ACTN4: variants seen among roughly 807,000 people sequenced by gnomAD.
ACTN4 encodes the protein alpha-actinin-4.
In ACTN4, 18 loss-of-function variants were observed where a neutral mutation model predicts 114.2. The observed-to-expected ratio is 0.16, with a 90% CI of 0.11 to 0.23. The LOEUF (loss-of-function observed/expected upper bound fraction) is 0.23, where lower values mean the gene tolerates loss of function less well. Among genes scored for constraint, ACTN4 ranks in the 10% least tolerant of loss-of-function variants. The pLI is 1.00. For synonymous variants in ACTN4, 515 were observed against 506.3 expected (o/e 1.02, Z -0.23); for missense variants, 722 against 1,262.9 (o/e 0.57, Z 6.49).
intron 1 of ACTN4, among the ~76,000 whole-genome samples, chr19:38,656,388 C>T (rs1299760413): frequency 6.6e-6 from 1 of 152,174 alleles, no homozygotes; most frequent in Non-Finnish European, 1.5e-5. Flanking sequence ...CCAACTTTTT[C>T]TCTTAAGGCT....
chr19:38,701,081 T>C lies in ACTN4; in HGVS notation c.357T>C (p.Ile119=). ...ATGTGAACAAAGCGCTGGACTTTAT[T>C]GCCAGCAAAGGCGTCAAGCTGGTCT... ...INNVNKALDF[I]ASKGVKLVSI... Residue 119 remains isoleucine, a synonymous_variant, in exon 3 of 21, where the codon ATT becomes ATC. Coordinates refer to ENST00000252699, the MANE Select transcript of ACTN4 (RefSeq NM_004924.6). 1 of 1,614,082 alleles carries C rather than the reference T, an allele frequency of 6.2e-7. No individual in the cohort carries two copies. Among genetic ancestry groups the C allele is most frequent in the Non-Finnish European group, 8.5e-7 (1 of 1,180,014 alleles).
intron 1 of ACTN4, among the ~76,000 whole-genome samples, chr19:38,678,661 G>A (rs1270949517): frequency 6.6e-6 from 1 of 152,218 alleles, no homozygotes; most frequent in Admixed American, 6.5e-5. Context: ...GGGCGACACA[G>A]CCACCCTTTT....
rs141225136 is a variant in ACTN4, at chr19:38,669,626, C to T, written c.162+21719C>T. Among the ~76,000 whole-genome samples, 915 of 152,194 alleles carry T rather than the reference C, an allele frequency of 6.0e-3. 5 individuals carry two copies. Among genetic ancestry groups the T allele is most frequent in the African/African-American group, 0.021 (878 of 41,508 alleles). ...GGAAGATGGTGGCCCTTGGGTTGCC[C>T]GAGCTGCTGCTTGTTTTAGTAGCTG... On this transcript the variant is annotated intron_variant, in intron 1 of 20. Coordinates refer to ENST00000252699, the MANE Select transcript of ACTN4 (RefSeq NM_004924.6).
At position 38,724,419 on chromosome 19, in the gene ACTN4, C is replaced by T. The variant is rs746504062; in HGVS notation, c.1876-12C>T. 3 of 1,612,882 alleles carry T rather than the reference C, an allele frequency of 1.9e-6. No homozygotes were observed. The South Asian group carries it at 3.3e-5, about 18-fold the overall frequency. ...CTCCCTGACCGCTCCCACACCGCGTCTCCTCTGCCAGGTGCAGCAGCTGGT... is the reference window on the plus strand; with the variant it reads ...CTCCCTGACCGCTCCCACACCGCGTTTCCTCTGCCAGGTGCAGCAGCTGGT... On this transcript the variant is annotated splice_polypyrimidine_tract_variant and intron_variant, in intron 15 of 20. Coordinates refer to ENST00000252699, the MANE Select transcript of ACTN4 (RefSeq NM_004924.6). The surrounding 1 kb of genome is among the most constrained non-coding windows in gnomAD (Gnocchi z 7.0).
At chr19:38,652,811 C>A (rs558060880) in intron 1 of ACTN4, among the ~76,000 whole-genome samples, 4 of 152,236 alleles carry the variant, frequency 2.6e-5, no homozygotes, top group African/African-American at 9.6e-5. Flanking sequence ...TATGGCCGGG[C>A]GCAGTGGCTC....
rs1968599970 is a variant in ACTN4, at chr19:38,710,249, A to C, written c.734-8A>C. 1.2e-6 allele frequency: 2 copies of C among 1,613,896 alleles called. No individual in the cohort carries two copies. The highest frequency in any genetic ancestry group is 1.7e-6 in the Non-Finnish European group (2 of 1,180,000). Reference sequence around the variant, plus strand: ...TCGGGCAGTTTAACCCTTGTTGTTCACTTGCAGACATCGTGAACACGGCCC... The same window carrying C: ...TCGGGCAGTTTAACCCTTGTTGTTCCCTTGCAGACATCGTGAACACGGCCC... On this transcript the variant is annotated splice_polypyrimidine_tract_variant and splice_region_variant and intron_variant, in intron 7 of 20. Transcript: ENST00000252699.
intron 1 of ACTN4, among the ~76,000 whole-genome samples, chr19:38,657,199 G>A (rs1482927082): frequency 6.6e-6 from 1 of 151,804 alleles, no homozygotes; most frequent in Non-Finnish European, 1.5e-5. Flanking sequence ...CTGGAGTGCA[G>A]TAGCACGATC....
At chr19:38,661,006 G>A (rs1599764522) in intron 1 of ACTN4, among the ~76,000 whole-genome samples, 2 of 152,154 alleles carry the variant, frequency 1.3e-5, no homozygotes, top group Admixed American at 1.3e-4. Context: ...GAGCACCAGA[G>A]GAACGCGCTT....
At chr19:38,700,956 C>T in intron 2 of ACTN4, 46 bp from the exon 3 acceptor site, 1 of 1,597,642 alleles carries the variant, frequency 6.3e-7, no homozygotes, top group Non-Finnish European at 8.6e-7. Context: ...CTCTCCCTTT[C>T]TCTCTCTCTG....
chr19:38,710,512 A>G (rs1045199695), intron 8 of ACTN4, among the ~76,000 whole-genome samples, 170 bp downstream of exon 8: 1 of 151,982 alleles, frequency 6.6e-6, no homozygotes, highest in Non-Finnish European at 1.5e-5. Flanking sequence ...TAGCTCACAC[A>G]CCTATTGGGT....
At chr19:38,653,213 C>T (rs1264822237) in intron 1 of ACTN4, among the ~76,000 whole-genome samples, 5 of 152,112 alleles carry the variant, frequency 3.3e-5, no homozygotes, top group East Asian at 3.9e-4. Context: ...CAGACAGCGC[C>T]CTTTTTCAGA....
intron 1 of ACTN4, among the ~76,000 whole-genome samples, chr19:38,680,970 A>G (rs1462482945): frequency 6.6e-6 from 1 of 151,934 alleles, no homozygotes; most frequent in Non-Finnish European, 1.5e-5. Flanking sequence ...TACTAAAAAT[A>G]CAAAACTTAG....
rs1169766653 is a variant in ACTN4 at position 38,727,853 on chromosome 19, C to T, written c.2338-93C>T. The stretch of plus-strand genomic sequence containing the variant: ...CTCTGTGTTTCCCTCCCCTACGTGT[C>T]CCTTCCCCCTGCCCTCTGCATGTGA... On this transcript the variant is annotated intron_variant, in intron 18 of 20. Coordinates refer to ENST00000252699, the MANE Select transcript of ACTN4 (RefSeq NM_004924.6). The surrounding 1 kb of genome is among the most constrained non-coding windows in gnomAD (Gnocchi z 5.4). 1.7e-6 allele frequency: 2 copies of T among 1,199,764 alleles called. No homozygotes were observed. The highest frequency in any genetic ancestry group is 3.0e-5 in the African/African-American group (2 of 66,598). The allele number at this position is 1,199,764 out of a possible 1,614,324, so 74.3% of individuals were successfully genotyped here. A position where few individuals can be genotyped will look rare whatever the true frequency, so the allele number is the denominator to read the frequency against.
intron 12 of ACTN4, among the ~76,000 whole-genome samples, chr19:38,722,763 G>T (rs1172519865): frequency 6.6e-6 from 1 of 152,236 alleles, no homozygotes; most frequent in African/African-American, 2.4e-5. Context: ...CCTGGAAGCT[G>T]GTAGGAAACA....
intron 1 of ACTN4, among the ~76,000 whole-genome samples, chr19:38,664,265 GGAA>G (rs1966890596): frequency 6.6e-6 from 1 of 152,194 alleles, no homozygotes; most frequent in African/African-American, 2.4e-5. Flanking sequence ...TCCCATCCCA[GGAA>G]ATACTCCAGT....
rs1034528163 is a variant in ACTN4, at chr19:38,724,828, A to AC, written c.2010+267dup. Among the ~76,000 whole-genome samples the AC allele has an allele frequency of 8.5e-5, 13 of 152,306 alleles. No individual in the cohort carries two copies. The highest frequency in any genetic ancestry group is 2.4e-4 in the African/African-American group (10 of 41,570). On this transcript the variant is annotated intron_variant, in intron 16 of 20. Coordinates refer to ENST00000252699, the MANE Select transcript of ACTN4 (RefSeq NM_004924.6). The surrounding 1 kb of genome is among the most constrained non-coding windows in gnomAD (Gnocchi z 7.0). ...AGACCAGCCTGGGCAACATAGTGAG[A>AC]CCCCAACTCTACAAAAAATACAAAA...
At chr19:38,655,298 G>A (rs377298348) in intron 1 of ACTN4, among the ~76,000 whole-genome samples, 224 of 152,182 alleles carry the variant, frequency 1.5e-3, no homozygotes, top group African/African-American at 5.0e-3. Flanking sequence ...CGGGCTGAAG[G>A]CCCCCCAGGC....
At position 38,729,333 on chromosome 19, in the gene ACTN4, C is replaced by T. The variant is rs776068506; in HGVS notation, c.2637C>T (p.Cys879=). The T allele has an allele frequency of 4.3e-6, 7 of 1,612,402 alleles. No individual in the cohort carries two copies. In the African/African-American group the frequency reaches 9.4e-5, roughly 22 times the overall value. ...TGCCCCCCGACCAGGCCGAGTACTG[C>T]ATCGCCCGCATGGCGCCATACCAGG... is the stretch of plus-strand genomic sequence containing the variant. ...RELPPDQAEY[C]IARMAPYQGP... is the part of the protein sequence containing the mutation. Residue 879 remains cysteine, a synonymous_variant, in exon 21 of 21, where the codon TGC becomes TGT. Coordinates refer to ENST00000252699, the MANE Select transcript of ACTN4 (RefSeq NM_004924.6).
chr19:38,661,565 GT>G (rs1330434949), intron 1 of ACTN4, among the ~76,000 whole-genome samples: 2 of 152,192 alleles, frequency 1.3e-5, no homozygotes, highest in African/African-American at 4.8e-5. Flanking sequence ...TTTGTAAAAT[GT>G]TGAGTCTCCT....
Sources: allele counts gnomAD v4.1 joint callset (sites outside exome capture counted in the v4.1 genomes callset), GRCh38; gene constraint gnomAD v4.1.1; non-coding constraint Gnocchi (gnomAD v3.1); transcripts MANE v1.5; gene names NCBI Gene and HGNC (gene_info 2026-07-23, HGNC 2026-07-21).